The following DNAAF9 variants were observed in gnomAD, a reference collection of about 807,000 sequenced individuals.
The protein encoded by DNAAF9 is shulin.
DNAAF9 carries 90 observed loss-of-function variants against 167.0 expected under a neutral mutation model. The ratio of observed to expected loss-of-function variants is 0.54; its 90% CI spans 0.45 to 0.64. The LOEUF is 0.64. Ranked by LOEUF, DNAAF9 falls within the 30% of genes least tolerant of loss-of-function variation. The probability of loss-of-function intolerance (pLI) is 0.00; values close to 1 mark genes in which losing one functional copy is unlikely to be tolerated. For synonymous variants in DNAAF9, 491 were observed against 508.8 expected, an observed-to-expected ratio of 0.96 and a Z score of 0.47; for missense variants, 1,315 against 1,442.2, an observed-to-expected ratio of 0.91 and a Z score of 1.43.
At chr20:3,304,924 G>A (rs55788643) in intron 20 of DNAAF9, among the ~76,000 whole-genome samples, 6,390 of 152,192 alleles carry the variant, frequency 0.042, 193 homozygotes, top group Middle Eastern at 0.071. Context: ...AAGCTGGCTC[G>A]GCCCTAAAGA....
At chr20:3,406,466 C>T (rs2084056164) in intron 1 of DNAAF9, among the ~76,000 whole-genome samples, 1 of 152,094 alleles carries the variant, frequency 6.6e-6, no homozygotes, top group Non-Finnish European at 1.5e-5. Context: ...CGCTCGCATT[C>T]CCCCTCTCCC....
chr20:3,259,593 G>A (rs752987202), intron 32 of DNAAF9, 39 bp from the exon 33 acceptor site: 3 of 1,398,076 alleles, frequency 2.1e-6, no homozygotes, highest in South Asian at 1.2e-5. Context: ...CCCACATGGA[G>A]GCACAGGCCA....
Position 3,335,757 on chromosome 20 carries a change from C to CAA in DNAAF9, c.982-3398_982-3397dup, listed in dbSNP as rs151182468. ...GGGTGACAAGAGCAAAACTCCGTCT[C>CAA]AAAAAAAAAAAAAAAAAAAAATTGT... is the stretch of plus-strand genomic sequence containing the variant. On this transcript the variant is annotated intron_variant, in intron 10 of 36. Transcript: ENST00000252032. 9.3e-3 allele frequency among the ~76,000 whole-genome samples: 912 copies of CAA among 98,204 alleles called. 23 individuals are homozygous for CAA. The highest frequency in any genetic ancestry group is 0.013 in the South Asian group (35 of 2,674). 64.4% of individuals were successfully genotyped at this position (98,204 alleles called of 152,430 possible).
chr20:3,390,959 T>G (rs1052382714), intron 1 of DNAAF9, among the ~76,000 whole-genome samples: 2 of 152,080 alleles, frequency 1.3e-5, no homozygotes, highest in African/African-American at 4.8e-5. Flanking sequence ...CAGAGCTCTT[T>G]GGTTTTCAAA....
Position 3,315,215 on chromosome 20 carries a change from C to A in DNAAF9, c.1591-95G>T. 1 of 807,658 alleles carries A rather than the reference C, an allele frequency of 1.2e-6. No homozygotes were observed. Among genetic ancestry groups the A allele is most frequent in the South Asian group, 1.4e-5 (1 of 69,716 alleles). The allele number at this position is 807,658 out of a possible 1,614,324, so 50.0% of individuals were successfully genotyped here. ...ATCAAAAGTCCTGCCCAATTATGTCCGTCTACAAAAGCTGAGTCAGGCTCA... is the reference window on the plus strand; with the variant it reads ...ATCAAAAGTCCTGCCCAATTATGTCAGTCTACAAAAGCTGAGTCAGGCTCA... On this transcript the variant is annotated intron_variant, in intron 19 of 36. Coordinates refer to ENST00000252032, the MANE Select transcript of DNAAF9 (RefSeq NM_001009984.3). The surrounding 1 kb of genome is among the most constrained non-coding windows in gnomAD (Gnocchi z 4.1).
chr20:3,406,094 C>T (rs1317153361), intron 1 of DNAAF9, among the ~76,000 whole-genome samples: 1 of 152,206 alleles, frequency 6.6e-6, no homozygotes, highest in East Asian at 1.9e-4. Context: ...TCATTGGTAT[C>T]TACCCCCCAC....
chr20:3,366,525 A>T (rs1378483845), intron 6 of DNAAF9, among the ~76,000 whole-genome samples: 1 of 152,220 alleles, frequency 6.6e-6, no homozygotes. Context: ...GATTTCCAGA[A>T]TGGTAAATGA....
chr20:3,340,102 C>T (rs1420999689), intron 10 of DNAAF9, among the ~76,000 whole-genome samples: 2 of 152,172 alleles, frequency 1.3e-5, no homozygotes, highest in Non-Finnish European at 2.9e-5. Flanking sequence ...TCTCAATAAA[C>T]AATGATCATC....
In DNAAF9 at chr20:3,394,949, C is replaced by CTTTTTTTTTTTTTTTTTTT. The variant is rs10522445; in HGVS notation, c.84-12462_84-12444dup. Among the ~76,000 whole-genome samples the CTTTTTTTTTTTTTTTTTTT allele has an allele frequency of 9.8e-5, 10 of 102,132 alleles. 3 individuals carry two copies. Among genetic ancestry groups the CTTTTTTTTTTTTTTTTTTT allele is most frequent in the Non-Finnish European group, 1.5e-4 (8 of 52,768 alleles). The allele number at this position is 102,132 out of a possible 152,430, so 67.0% of individuals were successfully genotyped here. On this transcript the variant is annotated intron_variant, in intron 1 of 36. Coordinates refer to ENST00000252032, the MANE Select transcript of DNAAF9 (RefSeq NM_001009984.3). ...GCTTTTACTGAACATTTTCTTTTTT[C>CTTTTTTTTTTTTTTTTTTT]TTTTTTTTTTTTTTTTTTTTTTTTT... is the stretch of plus-strand genomic sequence containing the variant.
chr20:3,290,330 A>C lies in DNAAF9; in HGVS notation c.2239-113T>G, dbSNP rs1360625173. ...CATTGTGGGTGTGAACCTCAGTATG[A>C]CCTCTCACTAACTCTGTGACCTTAG... is the stretch of plus-strand genomic sequence containing the variant. On this transcript the variant is annotated intron_variant, in intron 25 of 36. Transcript: ENST00000252032. The C allele has an allele frequency of 3.0e-5, 22 of 721,690 alleles. No homozygotes were observed. In the East Asian group the frequency reaches 5.5e-4, roughly 18 times the overall value. The allele number at this position is 721,690 out of a possible 1,614,324, so 44.7% of individuals were successfully genotyped here. A position where few individuals can be genotyped will look rare whatever the true frequency, so the allele number is the denominator to read the frequency against.
chr20:3,340,665 G>A (rs773344750), intron 9 of DNAAF9, 26 bp from the exon 10 acceptor site: 46 of 1,612,342 alleles, frequency 2.9e-5, no homozygotes, highest in Non-Finnish European at 3.7e-5. Flanking sequence ...AAAAACATGT[G>A]ATTAGAAAAG....
intron 3 of DNAAF9, 62 bp from the exon 4 acceptor site, chr20:3,376,364 GC>G: frequency 7.3e-7 from 1 of 1,372,036 alleles, no homozygotes; most frequent in Non-Finnish European, 1.0e-6. Flanking sequence ...GATATTTTCT[GC>G]CCACATAATT....
chr20:3,356,269 C>T (rs2083285440), intron 7 of DNAAF9, among the ~76,000 whole-genome samples: 1 of 152,184 alleles, frequency 6.6e-6, no homozygotes, highest in Non-Finnish European at 1.5e-5. Context: ...CCACCTGCCT[C>T]GGCCTCCCAA....
chr20:3,305,397 C>T (rs2069272551), intron 20 of DNAAF9, among the ~76,000 whole-genome samples: 2 of 152,156 alleles, frequency 1.3e-5, no homozygotes, highest in Admixed American at 6.5e-5. Flanking sequence ...TCCATGTTTC[C>T]GCATATAGAG....
At chr20:3,404,853 T>C (rs2084034667) in intron 1 of DNAAF9, among the ~76,000 whole-genome samples, 1 of 152,226 alleles carries the variant, frequency 6.6e-6, no homozygotes, top group East Asian at 1.9e-4. Flanking sequence ...TTGATCCAGA[T>C]AGGTTAGTTT....
chr20:3,327,463 C>G (rs1042067512), intron 12 of DNAAF9, among the ~76,000 whole-genome samples: 2 of 151,970 alleles, frequency 1.3e-5, no homozygotes, highest in Admixed American at 1.3e-4. Context: ...AGGACACTTA[C>G]GAAGAGAAGG....
intron 21 of DNAAF9, among the ~76,000 whole-genome samples, chr20:3,301,091 T>C (rs1311886505): frequency 1.3e-5 from 2 of 151,530 alleles, no homozygotes; most frequent in African/African-American, 4.8e-5. Flanking sequence ...CACAGCTCAT[T>C]GCAACCTTGA....
At chr20:3,350,901 A>G (rs2070310143) in intron 7 of DNAAF9, among the ~76,000 whole-genome samples, 1 of 152,138 alleles carries the variant, frequency 6.6e-6, no homozygotes, top group Non-Finnish European at 1.5e-5. Context: ...CATATATACA[A>G]TATATTTATG....
At chr20:3,296,717 C>T (rs2069086478) in intron 23 of DNAAF9, 144 bp downstream of exon 23, 2 of 652,570 alleles carry the variant, frequency 3.1e-6, no homozygotes, top group Non-Finnish European at 5.5e-6. Context: ...GCACCGGCTA[C>T]CTGCAAGTTG....
Sources: allele counts gnomAD v4.1 joint callset (sites outside exome capture counted in the v4.1 genomes callset), GRCh38; gene constraint gnomAD v4.1.1; non-coding constraint Gnocchi (gnomAD v3.1); transcripts MANE v1.5; gene names NCBI Gene and HGNC (gene_info 2026-07-23, HGNC 2026-07-21).